CCAR1: variants seen among roughly 807,000 people sequenced by gnomAD.
The protein encoded by CCAR1 is cell division cycle and apoptosis regulator 1.
In CCAR1, 78 loss-of-function variants were observed where a neutral mutation model predicts 163.8. That is an observed-to-expected ratio of 0.48 (90% CI 0.40 to 0.57). The LOEUF (loss-of-function observed/expected upper bound fraction) is 0.57, where lower values mean the gene tolerates loss of function less well. Among genes scored for constraint, CCAR1 ranks in the 20% least tolerant of loss-of-function variants. The probability of loss-of-function intolerance (pLI) is 0.00; values close to 1 mark genes in which losing one functional copy is unlikely to be tolerated. For missense variants in CCAR1, 1,019 were observed against 1,365.2 expected (o/e 0.75, Z 4.00); for synonymous variants, 443 against 460.7 (o/e 0.96, Z 0.49).
At chr10:68,758,346 C>T (rs2056421430) in intron 15 of CCAR1, among the ~76,000 whole-genome samples, 1 of 151,960 alleles carries the variant, frequency 6.6e-6, no homozygotes, top group African/African-American at 2.4e-5. Flanking sequence ...TGAGCTACTG[C>T]GCCCAGCCTA....
At chr10:68,735,821 G>A (rs2056102157) in intron 2 of CCAR1, 1 of 152,140 alleles carries the variant, frequency 6.6e-6, no homozygotes, top group African/African-American at 2.4e-5. Flanking sequence ...CTTTGGACCA[G>A]GCTTTTTGTG....
chr10:68,752,928 A>T lies in CCAR1; in HGVS notation c.1119-924A>T, dbSNP rs573555083. ...GATAGATAGATAGATAGATAGATAG[A>T]TAGATAGATAGATTCTGTCTGTAGA... On this transcript the variant is annotated intron_variant, in intron 10 of 24. Transcript: ENST00000265872. 2.7e-5 allele frequency among the ~76,000 whole-genome samples: 4 copies of T among 146,544 alleles called. No homozygotes were observed. In the East Asian group the frequency reaches 8.0e-4, roughly 29 times the overall value.
intron 16 of CCAR1, among the ~76,000 whole-genome samples, chr10:68,761,981 A>C (rs2056477257): frequency 6.6e-6 from 1 of 152,128 alleles, no homozygotes; most frequent in African/African-American, 2.4e-5. Context: ...GAGTTTTTAC[A>C]AATGCATATA....
chr10:68,770,386 C>T (rs1299914373), intron 17 of CCAR1, among the ~76,000 whole-genome samples: 2 of 152,170 alleles, frequency 1.3e-5, no homozygotes, highest in Admixed American at 1.3e-4. Flanking sequence ...GGCCCTGGTA[C>T]ATACCAGGCA....
intron 16 of CCAR1, among the ~76,000 whole-genome samples, chr10:68,765,011 T>C (rs1035183501): frequency 6.6e-6 from 1 of 152,252 alleles, no homozygotes; most frequent in Admixed American, 6.5e-5. Flanking sequence ...AAACGTAGTT[T>C]CTTTCAGATA....
intron 8 of CCAR1, among the ~76,000 whole-genome samples, chr10:68,748,314 C>T (rs1366808120): frequency 4.0e-5 from 6 of 151,868 alleles, no homozygotes; most frequent in African/African-American, 1.2e-4. Flanking sequence ...ACAGGAGAAT[C>T]GCTTGAACCC....
intron 17 of CCAR1, among the ~76,000 whole-genome samples, chr10:68,766,931 C>T (rs2056543825): frequency 6.6e-6 from 1 of 152,200 alleles, no homozygotes; most frequent in Non-Finnish European, 1.5e-5. Flanking sequence ...TCCTTACAGA[C>T]TCACTTTTGC....
intron 16 of CCAR1, among the ~76,000 whole-genome samples, chr10:68,763,372 A>G (rs944258332): frequency 3.3e-5 from 5 of 151,474 alleles, no homozygotes; most frequent in Non-Finnish European, 7.4e-5. Context: ...GATGGTCTCA[A>G]TCTCTTGACC....
chr10:68,748,633 G>A (rs182112706), intron 8 of CCAR1, among the ~76,000 whole-genome samples: 1 of 151,932 alleles, frequency 6.6e-6, no homozygotes, highest in African/African-American at 2.4e-5. Context: ...GGGACTACAG[G>A]TGCGCGCCAC....
At chr10:68,725,325 G>A (rs564963231) in intron 2 of CCAR1, among the ~76,000 whole-genome samples, 1 of 152,026 alleles carries the variant, frequency 6.6e-6, no homozygotes, top group Admixed American at 6.6e-5. Flanking sequence ...TTAGACGGGC[G>A]TGGCAGAGGT....
In CCAR1 at chr10:68,757,880, A is replaced by G. The variant is rs142007420; in HGVS notation, c.1920+503A>G. On this transcript the variant is annotated intron_variant, in intron 15 of 24. Coordinates refer to ENST00000265872, the MANE Select transcript of CCAR1 (RefSeq NM_018237.4). The stretch of plus-strand genomic sequence containing the variant: ...TAAGTAACTTCAAGGGGATGGGACT[A>G]TAGGCGCCTGCCACCACGCCCGGCT... Among the ~76,000 whole-genome samples, 586 of 150,706 alleles carry G rather than the reference A, an allele frequency of 3.9e-3. 8 individuals are homozygous for G. The highest frequency in any genetic ancestry group is 0.014 in the African/African-American group (557 of 40,962).
chr10:68,741,708 A>G lies in CCAR1; in HGVS notation c.325-668A>G, dbSNP rs149320422. Among the ~76,000 whole-genome samples, 312 of 152,320 alleles carry G rather than the reference A, an allele frequency of 2.0e-3. 3 individuals are homozygous for G. The highest frequency in any genetic ancestry group is 3.4e-3 in the Middle Eastern group (1 of 294). ...ATCTATATGCATATTTGAATAAAAC[A>G]TCTCTAGGAGGCTTTACACTAATAA... is the stretch of plus-strand genomic sequence containing the variant. On this transcript the variant is annotated intron_variant, in intron 5 of 24. Coordinates refer to ENST00000265872, the MANE Select transcript of CCAR1 (RefSeq NM_018237.4).
chr10:68,728,693 C>T (rs530392959), intron 2 of CCAR1, among the ~76,000 whole-genome samples: 2 of 152,292 alleles, frequency 1.3e-5, no homozygotes, highest in East Asian at 3.9e-4. Context: ...GAGTGGCTCT[C>T]GCCTGTAATC....
In CCAR1 at chr10:68,786,660, T is replaced by C; in HGVS notation, c.2848T>C (p.Tyr950His). The C allele has an allele frequency of 1.9e-6, 3 of 1,603,384 alleles. No homozygotes were observed. Among genetic ancestry groups the C allele is most frequent in the South Asian group, 1.1e-5 (1 of 88,300 alleles). ...TGAAAAGGATTTGGAAGAAATACTT[T>C]ATACTCTTGGACTACATCTTTCTCG... ...LLEKDLEEIL[Y>H]TLGLHLSRAQ... Residue 950 changes from tyrosine (Y) to histidine (H), a missense_variant, in exon 21 of 25, where the codon TAT becomes CAT. Around this residue, in one of 4 missense-constraint regions of CCAR1, gnomAD observed 358 missense variants for 406.4 expected, o/e 0.88. Coordinates refer to ENST00000265872, the MANE Select transcript of CCAR1 (RefSeq NM_018237.4).
chr10:68,725,482 A>G (rs999708970), intron 2 of CCAR1, among the ~76,000 whole-genome samples: 9 of 151,920 alleles, frequency 5.9e-5, no homozygotes, highest in South Asian at 4.1e-4. Flanking sequence ...ATTCTTCCCA[A>G]TCTTTTTAGG....
chr10:68,788,049 T>A lies in CCAR1; in HGVS notation c.3001+2T>A, dbSNP rs1296591506. The A allele has an allele frequency of 3.2e-6, 5 of 1,586,540 alleles. No homozygotes were observed. Among genetic ancestry groups the A allele is most frequent in the Non-Finnish European group, 4.3e-6 (5 of 1,171,726 alleles). On this transcript the variant is annotated splice_donor_variant, in intron 22 of 24. Coordinates refer to ENST00000265872, the MANE Select transcript of CCAR1 (RefSeq NM_018237.4). LOFTEE classifies it high-confidence loss of function. The stretch of plus-strand genomic sequence containing the variant: ...AGTCATTGCAGGAAGATATGCTAGG[T>A]CTGAGTAATATTAAGATTTTGCTTT...
At chr10:68,741,681 T>G (rs2056186804) in intron 5 of CCAR1, among the ~76,000 whole-genome samples, 1 of 152,192 alleles carries the variant, frequency 6.6e-6, no homozygotes, top group Non-Finnish European at 1.5e-5. Context: ...ATGCTCCCAT[T>G]TATCTATATG....
chr10:68,747,661 A>G, intron 8 of CCAR1, 95 bp downstream of exon 8: 1 of 1,185,936 alleles, frequency 8.4e-7, no homozygotes, highest in South Asian at 1.5e-5. Context: ...GGATTTCAAG[A>G]AAACTTGAAG....
At chr10:68,729,068 T>C (rs1055752325) in intron 2 of CCAR1, among the ~76,000 whole-genome samples, 1 of 152,092 alleles carries the variant, frequency 6.6e-6, no homozygotes, top group African/African-American at 2.4e-5. Context: ...GCCCCTGAAA[T>C]ATACTTAGTG....
Sources: gnomAD v4.1 joint callset for allele counts (sites outside exome capture counted in the v4.1 genomes callset) on GRCh38, gnomAD v4.1.1 for gene constraint, gnomAD v4.1.1 regional missense constraint, MANE v1.5 for transcripts, NCBI Gene and HGNC (gene_info 2026-07-23, HGNC 2026-07-21) for gene names.